Variants in DLGAP2 observed in about 807,000 individuals in gnomAD.
DLGAP2 encodes DLG associated protein 2.
DLGAP2 carries 26 observed loss-of-function variants against 100.3 expected under a neutral mutation model. The observed-to-expected ratio is 0.26, with a 90% CI of 0.19 to 0.36. The LOEUF (loss-of-function observed/expected upper bound fraction) is 0.36, where lower values mean the gene tolerates loss of function less well. Among genes scored for constraint, DLGAP2 ranks in the 10% least tolerant of loss-of-function variants. The pLI, the probability that DLGAP2 is intolerant of heterozygous loss-of-function variation, is 1.00. For missense variants in DLGAP2, 1,858 were observed against 1,453.2 expected, an observed-to-expected ratio of 1.28 and a Z score of -4.53; for synonymous variants, 886 against 630.1, an observed-to-expected ratio of 1.41 and a Z score of -6.08.
chr8:1,028,670 G>A (rs1024702379), intron 2 of DLGAP2, among the ~76,000 whole-genome samples: 1 of 152,248 alleles, frequency 6.6e-6, no homozygotes, highest in East Asian at 1.9e-4. Context: ...AGCCATCCAG[G>A]AGCTAGGGTG....
intron 1 of DLGAP2, among the ~76,000 whole-genome samples, chr8:896,923 C>T (rs947165004): frequency 3.3e-5 from 5 of 152,092 alleles, no homozygotes; most frequent in African/African-American, 7.2e-5. Flanking sequence ...TACTTCAGCC[C>T]GAGGAGATGC....
intron 1 of DLGAP2, among the ~76,000 whole-genome samples, chr8:785,473 C>T (rs1387942409): frequency 3.7e-4 from 55 of 149,482 alleles, no homozygotes; most frequent in African/African-American, 1.3e-3. Flanking sequence ...CTCCCTCCTC[C>T]CCTCAGCCCC....
intron 2 of DLGAP2, among the ~76,000 whole-genome samples, chr8:1,244,197 A>G (rs1467354340): frequency 6.6e-6 from 1 of 152,214 alleles, no homozygotes; most frequent in Non-Finnish European, 1.5e-5. Context: ...GTTAGAGTGC[A>G]TTTGTAGGTG....
chr8:1,056,385 G>C (rs774343133), intron 2 of DLGAP2, among the ~76,000 whole-genome samples: 3 of 152,012 alleles, frequency 2.0e-5, no homozygotes, highest in Non-Finnish European at 4.4e-5. Context: ...GTTTACCTCA[G>C]CCTTCTCCCA....
At chr8:737,867 C>G in intron 1 of DLGAP2, 42 bp downstream of exon 1, 1 of 374,120 alleles carries the variant, frequency 2.7e-6, no homozygotes, top group Non-Finnish European at 4.8e-6. Context: ...GCGCGGGGCT[C>G]CGAGAGCCGT....
intron 2 of DLGAP2, among the ~76,000 whole-genome samples, chr8:1,144,307 A>G (rs555189103): frequency 3.3e-5 from 5 of 152,372 alleles, no homozygotes; most frequent in Non-Finnish European, 7.3e-5. Flanking sequence ...AGAGAAAAAC[A>G]AATCAGGAGG....
intron 3 of DLGAP2, among the ~76,000 whole-genome samples, chr8:1,441,955 TG>T (rs1315816896): frequency 6.6e-6 from 1 of 152,170 alleles, no homozygotes; most frequent in Non-Finnish European, 1.5e-5. Flanking sequence ...TCATGTATTT[TG>T]CAGGGACAGG....
In DLGAP2 at chr8:953,083, C is replaced by A. The variant is rs142926206; in HGVS notation, c.73+45117C>A. On this transcript the variant is annotated intron_variant, in intron 2 of 14. Coordinates refer to ENST00000637795, the MANE Select transcript of DLGAP2 (RefSeq NM_001346810.2). ...CAGATCCTATACAACATGGAAAAAT[C>A]TCATTCATTAATATCACTACCAATT... Among the ~76,000 whole-genome samples, 210 of 152,326 alleles carry A rather than the reference C, an allele frequency of 1.4e-3. 1 individual carries two copies. Among genetic ancestry groups the A allele is most frequent in the African/African-American group, 5.0e-3 (206 of 41,572 alleles).
At chr8:1,658,772 T>C (rs1798342137) in intron 8 of DLGAP2, among the ~76,000 whole-genome samples, 1 of 152,106 alleles carries the variant, frequency 6.6e-6, no homozygotes, top group African/African-American at 2.4e-5. Flanking sequence ...CCATGTATTT[T>C]GTTGATCTTT....
chr8:1,269,320 C>T (rs558219183), intron 3 of DLGAP2, among the ~76,000 whole-genome samples: 1 of 152,296 alleles, frequency 6.6e-6, no homozygotes, highest in South Asian at 2.1e-4. Context: ...TGCAGAGGCT[C>T]CTGGTACGGG....
intron 2 of DLGAP2, among the ~76,000 whole-genome samples, chr8:1,173,912 C>T (rs1429811975): frequency 2.6e-5 from 4 of 152,170 alleles, no homozygotes; most frequent in African/African-American, 9.7e-5. Context: ...CTCTGGCACT[C>T]CCTAGTGAGA....
In DLGAP2 at chr8:1,464,348, G is replaced by A. The variant is rs566553435; in HGVS notation, c.107-37018G>A. Among the ~76,000 whole-genome samples, 16 of 42,446 alleles carry A rather than the reference G, an allele frequency of 3.8e-4. 1 individual carries two copies. Among genetic ancestry groups the A allele is most frequent in the East Asian group, 2.6e-3 (1 of 392 alleles). The allele number at this position is 42,446 out of a possible 152,430, so 27.8% of individuals were successfully genotyped here. A position where few individuals can be genotyped will look rare whatever the true frequency, so the allele number is the denominator to read the frequency against. ...TTCCAGGACGGCACCCTTCCAGGAC[G>A]GCACCCTTCCAGGACAACGCCCTTC... On this transcript the variant is annotated intron_variant, in intron 3 of 14. Transcript: ENST00000637795.
intron 2 of DLGAP2, among the ~76,000 whole-genome samples, chr8:1,242,926 A>G (rs1798829575): frequency 1.2e-5 from 1 of 86,210 alleles, no homozygotes; most frequent in Non-Finnish European, 2.5e-5. Context: ...ACAGATAGAC[A>G]GTGGATGGAT....
chr8:741,185 G>T (rs963754420), intron 1 of DLGAP2, among the ~76,000 whole-genome samples: 6 of 152,204 alleles, frequency 3.9e-5, no homozygotes, highest in African/African-American at 7.2e-5. Context: ...CATGACAAAA[G>T]ACTTTAATTT....
intron 8 of DLGAP2, among the ~76,000 whole-genome samples, chr8:1,638,183 T>G (rs1278356534): frequency 1.3e-5 from 2 of 152,122 alleles, no homozygotes; most frequent in African/African-American, 4.8e-5. Context: ...CTGAGTTGTG[T>G]TCCCCGGACT....
intron 1 of DLGAP2, among the ~76,000 whole-genome samples, chr8:833,004 A>C (rs182222514): frequency 6.6e-6 from 1 of 152,310 alleles, no homozygotes; most frequent in Admixed American, 6.5e-5. Flanking sequence ...TTTCAAATTC[A>C]TGTAGATGAA....
intron 3 of DLGAP2, among the ~76,000 whole-genome samples, chr8:1,296,769 A>C (rs1005988919): frequency 2.6e-5 from 4 of 152,178 alleles, no homozygotes; most frequent in African/African-American, 9.7e-5. Context: ...TGAGTCCCTG[A>C]ACGTGCCACT....
intron 3 of DLGAP2, among the ~76,000 whole-genome samples, chr8:1,479,595 A>G (rs1401367406): frequency 6.6e-6 from 1 of 152,150 alleles, no homozygotes; most frequent in Non-Finnish European, 1.5e-5. Context: ...CTGCTTATCG[A>G]TTCTTGAAAG....
intron 2 of DLGAP2, among the ~76,000 whole-genome samples, chr8:1,154,790 G>C (rs893211298): frequency 6.6e-5 from 10 of 152,024 alleles, no homozygotes; most frequent in Non-Finnish European, 1.5e-4. Flanking sequence ...CGTCCATCCC[G>C]CCCTAAAATA....
Sources: allele counts gnomAD v4.1 joint callset (sites outside exome capture counted in the v4.1 genomes callset), GRCh38; gene constraint gnomAD v4.1.1; transcripts MANE v1.5; gene names NCBI Gene and HGNC (gene_info 2026-07-23, HGNC 2026-07-21).